FGF14: variants seen among roughly 807,000 people sequenced by gnomAD.
FGF14 encodes the protein fibroblast growth factor 14.
Under a neutral mutation model 25.5 loss-of-function variants are expected in FGF14, and 5 were observed. The ratio of observed to expected loss-of-function variants is 0.20; its 90% CI spans 0.10 to 0.41. FGF14 has a LOEUF of 0.41. Ranked by LOEUF, FGF14 falls within the 10% of genes least tolerant of loss-of-function variation. The pLI is 1.00. For missense variants in FGF14, 222 were observed against 320.1 expected, an observed-to-expected ratio of 0.69 and a Z score of 2.34; for synonymous variants, 138 against 118.3, an observed-to-expected ratio of 1.17 and a Z score of -1.08.
At chr13:101,726,902 GAA>G in intron 3 of FGF14, 92 bp from the exon 4 acceptor site, 1 of 974,930 alleles carries the variant, frequency 1.0e-6, no homozygotes, top group South Asian at 1.4e-5. Context: ...CCAGCATGGT[GAA>G]AGAGTGCTTT....
At chr13:102,012,264 A>G (rs2040121323) in intron 1 of FGF14, among the ~76,000 whole-genome samples, 1 of 152,186 alleles carries the variant, frequency 6.6e-6, no homozygotes. Flanking sequence ...CAAGCCATGA[A>G]TATTATGAAA....
At chr13:101,912,267 A>G (rs1312507510) in intron 1 of FGF14, among the ~76,000 whole-genome samples, 1 of 152,154 alleles carries the variant, frequency 6.6e-6, no homozygotes, top group East Asian at 1.9e-4. Flanking sequence ...TTTAGTTAAA[A>G]TGTTAGTAAG....
At chr13:102,062,341 T>C (rs2042725953) in intron 1 of FGF14, among the ~76,000 whole-genome samples, 1 of 151,864 alleles carries the variant, frequency 6.6e-6, no homozygotes, top group Non-Finnish European at 1.5e-5. Context: ...AAATGTAATA[T>C]ATGAGGCATT....
intron 1 of FGF14, among the ~76,000 whole-genome samples, chr13:102,249,321 A>C (rs960553468): frequency 6.6e-6 from 1 of 152,234 alleles, no homozygotes; most frequent in Non-Finnish European, 1.5e-5. Flanking sequence ...TGTTCAAATC[A>C]GAAGGGATAT....
chr13:102,037,872 A>G (rs1207337157), intron 1 of FGF14, among the ~76,000 whole-genome samples: 1 of 152,144 alleles, frequency 6.6e-6, no homozygotes, highest in Non-Finnish European at 1.5e-5. Flanking sequence ...TACTCCCTAG[A>G]AAGTATAAAT....
At chr13:102,013,146 C>A (rs1439087534) in intron 1 of FGF14, among the ~76,000 whole-genome samples, 2 of 151,948 alleles carry the variant, frequency 1.3e-5, no homozygotes, top group African/African-American at 4.8e-5. Flanking sequence ...CGGAGCAGAA[C>A]CCTGTCACAC....
At chr13:102,242,658 C>G (rs1355820066) in intron 1 of FGF14, among the ~76,000 whole-genome samples, 1 of 152,136 alleles carries the variant, frequency 6.6e-6, no homozygotes. Context: ...GGCCCCACCA[C>G]TTAACACAGC....
At chr13:101,862,860 T>C (rs1237850254) in intron 3 of FGF14, among the ~76,000 whole-genome samples, 1 of 152,084 alleles carries the variant, frequency 6.6e-6, no homozygotes, top group Non-Finnish European at 1.5e-5. Context: ...AAAAGCTTGA[T>C]TAAAAAAAGA....
chr13:101,860,366 T>C (rs1034416038), intron 3 of FGF14, among the ~76,000 whole-genome samples: 12 of 152,036 alleles, frequency 7.9e-5, no homozygotes, highest in Admixed American at 7.9e-4. Context: ...ATCTGGTTAA[T>C]GGAAAAGGTG....
intron 1 of FGF14, among the ~76,000 whole-genome samples, chr13:102,123,831 G>A (rs2140375349): frequency 6.6e-6 from 1 of 152,232 alleles, no homozygotes. Flanking sequence ...TGAAACAATA[G>A]TCATTTACGT....
At position 101,916,309 on chromosome 13, in the gene FGF14, G is replaced by T. The variant is rs975510988; in HGVS notation, c.193+144C>A. On this transcript the variant is annotated intron_variant, in intron 1 of 4. Transcript: ENST00000376143. ...CCCGACAGCGGACTCCAGGGTCCCC[G>T]CGACGGCACCCAGAGTGCTCAGAAG... The T allele has an allele frequency of 4.2e-5, 42 of 1,003,390 alleles. No homozygotes were observed. The African/African-American group carries it at 6.6e-4, about 16-fold the overall frequency. 62.2% of individuals were successfully genotyped at this position (1,003,390 alleles called of 1,614,324 possible).
At chr13:101,738,295 AAG>A (rs1348816979) in intron 3 of FGF14, among the ~76,000 whole-genome samples, 8 of 152,162 alleles carry the variant, frequency 5.3e-5, no homozygotes, top group African/African-American at 1.9e-4. Flanking sequence ...AAACAGATAA[AAG>A]GGGTTTAATT....
At chr13:102,034,265 A>C (rs2041361701) in intron 1 of FGF14, among the ~76,000 whole-genome samples, 1 of 152,152 alleles carries the variant, frequency 6.6e-6, no homozygotes, top group South Asian at 2.1e-4. Context: ...TCACATTACA[A>C]GTCAGCTGGA....
intron 1 of FGF14, among the ~76,000 whole-genome samples, chr13:101,889,788 G>A (rs1467842981): frequency 6.6e-6 from 1 of 152,178 alleles, no homozygotes. Flanking sequence ...GTATTGTCTG[G>A]TTAATGAGAG....
intron 1 of FGF14, among the ~76,000 whole-genome samples, chr13:101,932,756 T>TAAAAAAAA (rs869271842): frequency 2.0e-5 from 2 of 98,582 alleles, no homozygotes; most frequent in Non-Finnish European, 4.0e-5. Flanking sequence ...AAAATTACAG[T>TAAAAAAAA]AAAAAAAAAA....
intron 1 of FGF14, among the ~76,000 whole-genome samples, chr13:102,114,646 A>G (rs978007695): frequency 1.3e-5 from 2 of 152,234 alleles, no homozygotes; most frequent in African/African-American, 4.8e-5. Context: ...ATGGAATACC[A>G]TTCGGCTTTA....
At chr13:102,393,644 T>C (rs1004186474) in intron 1 of FGF14, 3 of 152,186 alleles carry the variant, frequency 2.0e-5, no homozygotes, top group Non-Finnish European at 4.4e-5. Flanking sequence ...AATGGATAAA[T>C]GGAATGCCAT....
intron 1 of FGF14, among the ~76,000 whole-genome samples, chr13:102,119,099 G>A (rs1412681469): frequency 1.3e-5 from 2 of 152,124 alleles, no homozygotes; most frequent in African/African-American, 4.8e-5. Flanking sequence ...ATCAATAATA[G>A]TGACCTCATG....
intron 1 of FGF14, among the ~76,000 whole-genome samples, chr13:101,931,651 C>T (rs575693739): frequency 5.3e-5 from 8 of 152,218 alleles, no homozygotes; most frequent in Non-Finnish European, 1.0e-4. Flanking sequence ...CAATGAACAG[C>T]TGTTAAGAGT....
Sources: gnomAD v4.1 joint callset for allele counts (sites outside exome capture counted in the v4.1 genomes callset) on GRCh38, gnomAD v4.1.1 for gene constraint, MANE v1.5 for transcripts, NCBI Gene and HGNC (gene_info 2026-07-23, HGNC 2026-07-21) for gene names.